The following FHIT variants were observed in gnomAD, a reference collection of about 807,000 sequenced individuals.
FHIT encodes bis(5'-adenosyl)-triphosphatase.
A neutral mutation model predicts 17.9 loss-of-function variants in FHIT; 19 were observed. The observed-to-expected ratio is 1.06, with a 90% confidence interval of 0.74 to 1.56. FHIT has a LOEUF of 1.56. FHIT is among the 40% of genes most tolerant of loss of function. The probability of loss-of-function intolerance (pLI) is 0.00; values close to 1 mark genes in which losing one functional copy is unlikely to be tolerated. For synonymous variants in FHIT, 81 were observed against 69.7 expected, an observed-to-expected ratio of 1.16 and a Z score of -0.81; for missense variants, 248 against 189.2, an observed-to-expected ratio of 1.31 and a Z score of -1.82.
chr3:60,480,960 CTGTT>C (rs1430011452), intron 5 of FHIT, among the ~76,000 whole-genome samples: 3 of 152,212 alleles, frequency 2.0e-5, no homozygotes, highest in Non-Finnish European at 4.4e-5. Context: ...TGTGGGGACT[CTGTT>C]TGGGGGTGCC....
intron 2 of FHIT, among the ~76,000 whole-genome samples, chr3:61,119,630 T>G (rs2036398555): frequency 6.6e-6 from 1 of 152,270 alleles, no homozygotes; most frequent in South Asian, 2.1e-4. Context: ...TTGGAAGAGA[T>G]TAGTATTTGA....
At chr3:60,158,822 C>G (rs2107356967) in intron 5 of FHIT, among the ~76,000 whole-genome samples, 1 of 152,198 alleles carries the variant, frequency 6.6e-6, no homozygotes, top group African/African-American at 2.4e-5. Context: ...CAGAATGAAT[C>G]TCCCTCCCTT....
At chr3:60,744,270 A>AAAAAAAAC (rs2042307726) in intron 4 of FHIT, among the ~76,000 whole-genome samples, 36 of 22,500 alleles carry the variant, frequency 1.6e-3, no homozygotes, top group African/African-American at 2.2e-3. Flanking sequence ...AAACAAAACA[A>AAAAAAAAC]AAAAAAAAAA....
At chr3:60,225,627 G>A (rs1704162092) in intron 5 of FHIT, among the ~76,000 whole-genome samples, 2 of 152,122 alleles carry the variant, frequency 1.3e-5, no homozygotes, top group Admixed American at 6.5e-5. Context: ...AAATCAGAAG[G>A]GAGATTTGAG....
At chr3:59,993,482 G>A (rs1341867618) in intron 7 of FHIT, among the ~76,000 whole-genome samples, 1 of 152,012 alleles carries the variant, frequency 6.6e-6, no homozygotes, top group Non-Finnish European at 1.5e-5. Flanking sequence ...CTGAGGATGG[G>A]AGAATTTACG....
At chr3:60,226,488 A>AAAAAAAAAC (rs1227894601) in intron 5 of FHIT, among the ~76,000 whole-genome samples, 2 of 151,104 alleles carry the variant, frequency 1.3e-5, no homozygotes, top group African/African-American at 2.4e-5. Flanking sequence ...AAAAAAAAAA[A>AAAAAAAAAC]AAAAAACACT....
At chr3:59,903,620 G>C (rs1302041707) in intron 8 of FHIT, among the ~76,000 whole-genome samples, 1 of 152,182 alleles carries the variant, frequency 6.6e-6, no homozygotes, top group Non-Finnish European at 1.5e-5. Context: ...AAACATATGT[G>C]TGGTGAGGTC....
intron 4 of FHIT, among the ~76,000 whole-genome samples, chr3:60,653,155 T>C (rs2040035649): frequency 6.6e-6 from 1 of 151,648 alleles, no homozygotes; most frequent in African/African-American, 2.4e-5. Context: ...GAAAAGAAAA[T>C]GAGCAAGTAA....
intron 5 of FHIT, among the ~76,000 whole-genome samples, chr3:60,465,590 T>G: frequency 6.6e-6 from 1 of 152,104 alleles, no homozygotes; most frequent in East Asian, 1.9e-4. Context: ...AGGGGTCTAG[T>G]TTTATTCTTC....
intron 5 of FHIT, among the ~76,000 whole-genome samples, chr3:60,530,009 A>C (rs1263520173): frequency 1.3e-5 from 2 of 152,158 alleles, no homozygotes; most frequent in African/African-American, 4.8e-5. Context: ...GTACCTGCTA[A>C]AAGTCCTAAT....
chr3:60,130,345 G>C (rs906008694), intron 5 of FHIT, among the ~76,000 whole-genome samples: 1 of 152,106 alleles, frequency 6.6e-6, no homozygotes, highest in Non-Finnish European at 1.5e-5. Flanking sequence ...CTGCATGGCA[G>C]GCCTCAGGCT....
chr3:60,999,863 G>A (rs1398823374), intron 3 of FHIT, among the ~76,000 whole-genome samples: 2 of 152,178 alleles, frequency 1.3e-5, no homozygotes, highest in East Asian at 1.9e-4. Context: ...GCCCATCAAG[G>A]TACCATCAGA....
chr3:60,737,807 A>G (rs553061236), intron 4 of FHIT, among the ~76,000 whole-genome samples: 3 of 152,178 alleles, frequency 2.0e-5, no homozygotes, highest in Non-Finnish European at 2.9e-5. Flanking sequence ...TTACATCACA[A>G]TGGAATGTAA....
chr3:60,954,897 T>C (rs1308519125), intron 3 of FHIT, among the ~76,000 whole-genome samples: 2 of 152,160 alleles, frequency 1.3e-5, no homozygotes, highest in African/African-American at 4.8e-5. Flanking sequence ...AAAATACTTT[T>C]CCAATAGTAC....
At chr3:61,220,897 C>G (rs1201572552) in intron 1 of FHIT, among the ~76,000 whole-genome samples, 1 of 152,166 alleles carries the variant, frequency 6.6e-6, no homozygotes, top group Non-Finnish European at 1.5e-5. Context: ...TGGCCTGAGA[C>G]ACATACACAC....
intron 8 of FHIT, among the ~76,000 whole-genome samples, chr3:59,769,440 A>G (rs898492879): frequency 5.3e-5 from 8 of 152,178 alleles, no homozygotes; most frequent in African/African-American, 1.9e-4. Flanking sequence ...AGTCTCTACA[A>G]AGTTCCTTCT....
intron 3 of FHIT, among the ~76,000 whole-genome samples, chr3:60,922,325 C>T (rs1707328084): frequency 6.6e-6 from 1 of 152,178 alleles, no homozygotes; most frequent in Non-Finnish European, 1.5e-5. Context: ...TGTTTAAACT[C>T]TACAGTGTTC....
At chr3:60,818,935 G>C (rs1480332454) in intron 4 of FHIT, among the ~76,000 whole-genome samples, 1 of 151,928 alleles carries the variant, frequency 6.6e-6, no homozygotes, top group Non-Finnish European at 1.5e-5. Flanking sequence ...GGACCGATCT[G>C]TGCTTCCAAG....
intron 8 of FHIT, among the ~76,000 whole-genome samples, chr3:59,844,487 G>GTGTGTGTGTC (rs886749921): frequency 1.3e-5 from 2 of 151,502 alleles, no homozygotes; most frequent in Non-Finnish European, 3.0e-5. Flanking sequence ...AGTTTGTTGA[G>GTGTGTGTGTC]TGTGTGTGTC....
Sources: gnomAD v4.1 joint callset for allele counts (sites outside exome capture counted in the v4.1 genomes callset) on GRCh38, gnomAD v4.1.1 for gene constraint, MANE v1.5 for transcripts, NCBI Gene and HGNC (gene_info 2026-07-23, HGNC 2026-07-21) for gene names.